The following AFF2 variants were observed in gnomAD, a reference collection of about 807,000 sequenced individuals.
The protein encoded by AFF2 is ALF transcription elongation factor 2.
In AFF2, 14 loss-of-function variants were observed where a neutral mutation model predicts 76.9. The observed-to-expected ratio is 0.18, with a 90% CI of 0.12 to 0.28. AFF2 has a LOEUF of 0.28. Ranked by LOEUF, AFF2 falls within the 10% of genes least tolerant of loss-of-function variation. AFF2 has a pLI of 1.00. For missense variants in AFF2, 868 were observed against 1,001.1 expected (o/e 0.87, Z 1.79); for synonymous variants, 398 against 366.7 (o/e 1.09, Z -0.98).
At chrX:148,699,328 A>C (rs782129607) in intron 3 of AFF2, among the ~76,000 whole-genome samples, 13 of 112,513 alleles carry the variant, frequency 1.2e-4, no homozygotes, top group Non-Finnish European at 1.9e-4. Context: ...TCACACATAC[A>C]CTCAGTCTGT....
chrX:148,721,001 G>A (rs1334062785), intron 3 of AFF2, among the ~76,000 whole-genome samples: 1 of 111,597 alleles, frequency 9.0e-6, no homozygotes, highest in Non-Finnish European at 1.9e-5. Flanking sequence ...TTGCACCCTG[G>A]AATATTTTCC....
At chrX:148,768,597 A>G (rs1330506787) in intron 3 of AFF2, among the ~76,000 whole-genome samples, 1 of 111,681 alleles carries the variant, frequency 9.0e-6, no homozygotes, top group East Asian at 2.8e-4. Flanking sequence ...AGTTAATGTG[A>G]TCTGCAAGAC....
chrX:148,900,394 A>G (rs868996191), intron 8 of AFF2, among the ~76,000 whole-genome samples: 5 of 112,093 alleles, frequency 4.5e-5, no homozygotes, highest in Middle Eastern at 4.6e-3. Context: ...TCAGGAACAT[A>G]GGTTTAGCGA....
At chrX:148,674,287 G>T (rs2054456553) in intron 3 of AFF2, among the ~76,000 whole-genome samples, 1 of 112,321 alleles carries the variant, frequency 8.9e-6, no homozygotes. Context: ...CAGTGGGCTG[G>T]ATTTGGCTGG....
intron 11 of AFF2, among the ~76,000 whole-genome samples, chrX:148,957,666 A>C (rs2072057488): frequency 8.9e-6 from 1 of 112,482 alleles, no homozygotes; most frequent in Non-Finnish European, 1.9e-5. Context: ...CAAATATTCC[A>C]AAATTCAAAA....
chrX:148,667,085 C>T (rs2054368335), intron 3 of AFF2, among the ~76,000 whole-genome samples: 1 of 112,338 alleles, frequency 8.9e-6, no homozygotes, highest in Non-Finnish European at 1.9e-5. Flanking sequence ...CTGCTCTTGG[C>T]TGTGATCTAA....
chrX:148,916,462 G>A (rs1468157573), intron 9 of AFF2, among the ~76,000 whole-genome samples: 9 of 109,328 alleles, frequency 8.2e-5, no homozygotes, highest in African/African-American at 1.7e-4. Flanking sequence ...TTCCCGCCTC[G>A]GCCTCCCAAA....
intron 3 of AFF2, among the ~76,000 whole-genome samples, chrX:148,722,827 C>T (rs1255734265): frequency 9.0e-6 from 1 of 111,076 alleles, no homozygotes; most frequent in African/African-American, 3.3e-5. Context: ...GTGTGTCATG[C>T]CTCACTACCT....
chrX:148,974,537 G>A (rs189844156), intron 16 of AFF2, among the ~76,000 whole-genome samples: 117 of 112,109 alleles, frequency 1.0e-3, no homozygotes, highest in Middle Eastern at 4.6e-3. Context: ...TTACAAATCT[G>A]AGGATATTTG....
intron 3 of AFF2, among the ~76,000 whole-genome samples, chrX:148,764,076 G>T (rs1434622326): frequency 8.9e-6 from 1 of 112,058 alleles, no homozygotes; most frequent in Admixed American, 9.5e-5. Context: ...GTGCCAAAAA[G>T]AAATCTTATG....
intron 3 of AFF2, among the ~76,000 whole-genome samples, chrX:148,696,837 T>C (rs1201867691): frequency 2.7e-5 from 3 of 111,781 alleles, no homozygotes; most frequent in Middle Eastern, 4.6e-3. Flanking sequence ...GTGGGAAGTA[T>C]GCTGACTGCT....
intron 1 of AFF2, among the ~76,000 whole-genome samples, chrX:148,601,138 G>A (rs2053622435): frequency 8.9e-6 from 1 of 112,446 alleles, no homozygotes; most frequent in African/African-American, 3.2e-5. Context: ...GGAAGATCTT[G>A]CTACTTAAGT....
At chrX:148,578,295 G>A (rs1224146464) in intron 1 of AFF2, among the ~76,000 whole-genome samples, 2 of 111,092 alleles carry the variant, frequency 1.8e-5, no homozygotes, top group Non-Finnish European at 3.8e-5. Flanking sequence ...TTTCTTAAAG[G>A]CCAAACTCAT....
At chrX:148,945,240 G>A (rs192841003) in intron 9 of AFF2, among the ~76,000 whole-genome samples, 7 of 111,810 alleles carry the variant, frequency 6.3e-5, no homozygotes, top group Non-Finnish European at 9.4e-5. Flanking sequence ...CAGGAAAGTG[G>A]TAAACTGATA....
intron 3 of AFF2, among the ~76,000 whole-genome samples, chrX:148,698,265 G>A (rs1380538588): frequency 1.8e-5 from 2 of 112,358 alleles, no homozygotes; most frequent in African/African-American, 6.5e-5. Context: ...ATGGCTTTAG[G>A]CATCACAAAA....
At chrX:148,790,771 G>A (rs1557269878) in intron 3 of AFF2, among the ~76,000 whole-genome samples, 1 of 111,320 alleles carries the variant, frequency 9.0e-6, no homozygotes, top group Non-Finnish European at 1.9e-5. Flanking sequence ...GTTGATAGGT[G>A]CAAAAAATCA....
At chrX:148,825,166 T>C (rs1341169492) in intron 4 of AFF2, among the ~76,000 whole-genome samples, 1 of 111,838 alleles carries the variant, frequency 8.9e-6, no homozygotes, top group Admixed American at 9.5e-5. Context: ...TGCTACATGA[T>C]TGGAGTTTTC....
At chrX:148,704,769 C>T (rs1422794453) in intron 3 of AFF2, among the ~76,000 whole-genome samples, 1 of 108,383 alleles carries the variant, frequency 9.2e-6, no homozygotes, top group Non-Finnish European at 1.9e-5. Context: ...TCAGGCAATC[C>T]ACCCGCCTCG....
intron 3 of AFF2, among the ~76,000 whole-genome samples, chrX:148,687,734 G>C (rs2054613195): frequency 9.1e-6 from 1 of 110,054 alleles, no homozygotes; most frequent in Non-Finnish European, 1.9e-5. Context: ...GTGTCGCTTT[G>C]TTTAATACAC....
Sources: gnomAD v4.1 joint callset for allele counts (sites outside exome capture counted in the v4.1 genomes callset) on GRCh38, gnomAD v4.1.1 for gene constraint, MANE v1.5 for transcripts, NCBI Gene and HGNC (gene_info 2026-07-23, HGNC 2026-07-21) for gene names.